The following NRXN1 variants were observed in gnomAD, a reference collection of about 807,000 sequenced individuals.
NRXN1 encodes neurexin 1.
A neutral mutation model predicts 150.9 loss-of-function variants in NRXN1; 39 were observed. The observed-to-expected ratio is 0.26, with a 90% confidence interval of 0.20 to 0.34. The LOEUF is 0.34. Among genes scored for constraint, NRXN1 ranks in the 10% least tolerant of loss-of-function variants. The pLI, the probability that NRXN1 is intolerant of heterozygous loss-of-function variation, is 1.00. For synonymous variants in NRXN1, 924 were observed against 757.0 expected (o/e 1.22, Z -3.62); for missense variants, 1,815 against 1,949.9 (o/e 0.93, Z 1.30).
intron 18 of NRXN1, among the ~76,000 whole-genome samples, chr2:50,139,577 A>C (rs1401022584): frequency 2.0e-5 from 3 of 152,142 alleles, no homozygotes. Flanking sequence ...TACCAGTAAC[A>C]TCAAGCATTT....
chr2:50,690,129 C>T (rs1042580714), intron 5 of NRXN1, among the ~76,000 whole-genome samples: 8 of 152,142 alleles, frequency 5.3e-5, no homozygotes, highest in East Asian at 3.9e-4. Flanking sequence ...TCAGGTGATC[C>T]GCCTGCCTTA....
chr2:49,934,526 T>C (rs114823572), intron 22 of NRXN1, among the ~76,000 whole-genome samples: 1,784 of 152,346 alleles, frequency 0.012, 20 homozygotes, highest in Middle Eastern at 0.02. Context: ...CAATTTTCTT[T>C]TGTTGGGAAA....
At chr2:50,493,865 G>A (rs370837955) in intron 15 of NRXN1, among the ~76,000 whole-genome samples, 50 of 152,270 alleles carry the variant, frequency 3.3e-4, no homozygotes, top group African/African-American at 1.1e-3. Flanking sequence ...CAAGTACACT[G>A]AGAGTTCATT....
intron 18 of NRXN1, among the ~76,000 whole-genome samples, chr2:50,224,723 G>T (rs1410636739): frequency 7.5e-6 from 1 of 132,682 alleles, no homozygotes; most frequent in Non-Finnish European, 1.6e-5. Flanking sequence ...GAGAGAGAGA[G>T]AGAGAGAGAG....
chr2:50,959,851 C>T (rs890459727), intron 2 of NRXN1, among the ~76,000 whole-genome samples: 1 of 151,982 alleles, frequency 6.6e-6, no homozygotes, highest in African/African-American at 2.4e-5. Flanking sequence ...TTCTTGATAG[C>T]TCATGTAAAC....
Position 51,028,220 on chromosome 2 carries a change from C to T in NRXN1, c.54G>A (p.Leu18=). 2 of 1,478,186 alleles carry T rather than the reference C, an allele frequency of 1.4e-6. No homozygotes were observed. The highest frequency in any genetic ancestry group is 1.8e-6 in the Non-Finnish European group (2 of 1,121,578). The allele number at this position is 1,478,186 out of a possible 1,614,324, so 91.6% of individuals were successfully genotyped here. Residue 18 remains leucine (L), a synonymous_variant, in exon 2 of 23, where the codon CTG becomes CTA. Coordinates refer to ENST00000401669, the MANE Select transcript of NRXN1 (RefSeq NM_001330078.2). The part of the protein sequence containing the change: ...RGGCFLLCLS[L]LLLGCWAELG... Reference sequence around the variant, plus strand: ...GCTCCGCCCAGCAGCCCAGGAGCAGCAGCGAGAGGCACAGAAGAAAACAGC... The same window carrying T: ...GCTCCGCCCAGCAGCCCAGGAGCAGTAGCGAGAGGCACAGAAGAAAACAGC...
chr2:50,407,057 A>G (rs1433634618), intron 17 of NRXN1, among the ~76,000 whole-genome samples: 1 of 152,168 alleles, frequency 6.6e-6, no homozygotes, highest in Non-Finnish European at 1.5e-5. Flanking sequence ...CAGACTCATG[A>G]TAAACTTATT....
At chr2:50,690,438 C>T (rs558166036) in intron 5 of NRXN1, among the ~76,000 whole-genome samples, 4 of 152,254 alleles carry the variant, frequency 2.6e-5, no homozygotes, top group Admixed American at 2.6e-4. Flanking sequence ...CCAGAGGCAA[C>T]AAAATGTCGA....
At chr2:50,989,364 A>G (rs886562710) in intron 2 of NRXN1, among the ~76,000 whole-genome samples, 2 of 152,024 alleles carry the variant, frequency 1.3e-5, no homozygotes. Context: ...AATTACCCTT[A>G]TAAGTGGGTA....
chr2:50,619,901 T>A (rs1183714186), intron 8 of NRXN1, 121 bp downstream of exon 8: 8 of 836,246 alleles, frequency 9.6e-6, no homozygotes, highest in Non-Finnish European at 1.4e-5. Context: ...AGTAGAATAT[T>A]GAATTTAAAG....
At chr2:50,093,091 G>A (rs544248252) in intron 18 of NRXN1, among the ~76,000 whole-genome samples, 29 of 145,480 alleles carry the variant, frequency 2.0e-4, no homozygotes, top group African/African-American at 7.2e-4. Context: ...AGAAAATAAT[G>A]CATGCTTACA....
At chr2:50,419,424 T>C (rs1246190235) in intron 17 of NRXN1, among the ~76,000 whole-genome samples, 1 of 152,094 alleles carries the variant, frequency 6.6e-6, no homozygotes, top group Non-Finnish European at 1.5e-5. Context: ...ATTAGATTCA[T>C]TCTAGCCCAA....
At chr2:50,439,817 A>C (rs76781219) in intron 17 of NRXN1, among the ~76,000 whole-genome samples, 1 of 50,366 alleles carries the variant, frequency 2.0e-5, no homozygotes, top group Admixed American at 2.6e-4. Flanking sequence ...ACTCTGTCTC[A>C]AAAAAAAAAA....
chr2:49,939,810 G>A (rs1240175784), intron 22 of NRXN1, among the ~76,000 whole-genome samples: 1 of 152,130 alleles, frequency 6.6e-6, no homozygotes, highest in Non-Finnish European at 1.5e-5. Context: ...AGAACTGAAG[G>A]TATAAACTTT....
intron 5 of NRXN1, among the ~76,000 whole-genome samples, chr2:50,843,277 G>T (rs910992071): frequency 6.6e-6 from 1 of 152,076 alleles, no homozygotes; most frequent in Non-Finnish European, 1.5e-5. Flanking sequence ...TCCTCCAATG[G>T]AGACTTTGCA....
chr2:50,901,688 T>C (rs1407869565), intron 5 of NRXN1, among the ~76,000 whole-genome samples: 3 of 152,122 alleles, frequency 2.0e-5, no homozygotes, highest in Non-Finnish European at 4.4e-5. Context: ...AGTTCAACAA[T>C]AGTTCGATAT....
intron 21 of NRXN1, chr2:49,972,721 T>A (rs1049924172): frequency 6.6e-6 from 1 of 152,216 alleles, no homozygotes. Context: ...CTTCCCTTTA[T>A]GAAGCGAGGG....
At chr2:50,241,030 T>C (rs142901750) in intron 17 of NRXN1, among the ~76,000 whole-genome samples, 1 of 151,708 alleles carries the variant, frequency 6.6e-6, no homozygotes, top group South Asian at 2.1e-4. Flanking sequence ...GTAATTTTTA[T>C]TAATATTTTC....
At chr2:50,648,910 C>T (rs937161691) in intron 5 of NRXN1, among the ~76,000 whole-genome samples, 3 of 151,946 alleles carry the variant, frequency 2.0e-5, no homozygotes, top group African/African-American at 4.8e-5. Flanking sequence ...CATCACATTC[C>T]CAGGGACTGT....
Sources: allele counts gnomAD v4.1 joint callset (sites outside exome capture counted in the v4.1 genomes callset), GRCh38; gene constraint gnomAD v4.1.1; transcripts MANE v1.5; gene names NCBI Gene and HGNC (gene_info 2026-07-23, HGNC 2026-07-21).